EXOC4: variants seen among roughly 807,000 people sequenced by gnomAD.
The protein encoded by EXOC4 is SEC8-like 1.
EXOC4 carries 71 observed loss-of-function variants against 107.2 expected under a neutral mutation model. The observed-to-expected ratio is 0.66, with a 90% CI of 0.55 to 0.81. The LOEUF is 0.81. Among genes scored for constraint, EXOC4 ranks in the 30% least tolerant of loss-of-function variants. EXOC4 has a pLI of 0.00. For missense variants in EXOC4, 1,108 were observed against 1,189.6 expected, an observed-to-expected ratio of 0.93 and a Z score of 1.01; for synonymous variants, 456 against 441.2, an observed-to-expected ratio of 1.03 and a Z score of -0.42.
intron 12 of EXOC4, among the ~76,000 whole-genome samples, chr7:133,905,804 C>G (rs527728626): frequency 3.0e-4 from 45 of 152,146 alleles, no homozygotes; most frequent in Admixed American, 1.9e-3. Flanking sequence ...CAGAGAGGAG[C>G]TAGAACTCAT....
chr7:133,330,842 C>G (rs993783532), intron 5 of EXOC4, among the ~76,000 whole-genome samples: 1 of 152,080 alleles, frequency 6.6e-6, no homozygotes, highest in Non-Finnish European at 1.5e-5. Context: ...TGCAGAAATC[C>G]CCCTTCTTCT....
chr7:133,972,205 C>T (rs1002685648), intron 14 of EXOC4, among the ~76,000 whole-genome samples: 1 of 152,156 alleles, frequency 6.6e-6, no homozygotes, highest in African/African-American at 2.4e-5. Flanking sequence ...GGGATATTAA[C>T]CTGAGAGCTA....
chr7:133,407,825 C>A (rs1205679685), intron 7 of EXOC4, among the ~76,000 whole-genome samples: 1 of 152,078 alleles, frequency 6.6e-6, no homozygotes, highest in Non-Finnish European at 1.5e-5. Context: ...TGTTGAGCTC[C>A]TAGATTTCTA....
At chr7:133,484,706 A>G (rs1799234032) in intron 9 of EXOC4, among the ~76,000 whole-genome samples, 1 of 152,172 alleles carries the variant, frequency 6.6e-6, no homozygotes, top group African/African-American at 2.4e-5. Flanking sequence ...CTTAAATATT[A>G]AATTATTAGT....
At position 133,384,714 on chromosome 7, in the gene EXOC4, T is replaced by G. The variant is rs905753407; in HGVS notation, c.1182+9712T>G. On this transcript the variant is annotated intron_variant, in intron 7 of 17. Coordinates refer to ENST00000253861, the MANE Select transcript of EXOC4 (RefSeq NM_021807.4). ...AATTACATTTTCCTGAATTGGTCTT[T>G]TTTTTTTTTTTAAGCGTATTTAAAA... is the stretch of plus-strand genomic sequence containing the variant. Among the ~76,000 whole-genome samples, 7 of 134,980 alleles carry G rather than the reference T, an allele frequency of 5.2e-5. No homozygotes were observed. In the East Asian group the frequency reaches 1.2e-3, roughly 22 times the overall value. 88.6% of individuals were successfully genotyped at this position (134,980 alleles called of 152,430 possible).
intron 2 of EXOC4, 97 bp from the exon 3 acceptor site, chr7:133,288,825 C>A: frequency 2.1e-6 from 2 of 962,984 alleles, no homozygotes; most frequent in Non-Finnish European, 3.1e-6. Context: ...TTAGGAACTG[C>A]TGCATACAGT....
intron 17 of EXOC4, among the ~76,000 whole-genome samples, chr7:134,011,256 CAA>C (rs144562239): frequency 0.022 from 3,403 of 152,200 alleles, 130 homozygotes; most frequent in African/African-American, 0.077. Context: ...GGCAGCATAA[CAA>C]GAGAGGTCTG....
At chr7:133,825,520 A>T (rs1171846089) in intron 11 of EXOC4, among the ~76,000 whole-genome samples, 1 of 152,228 alleles carries the variant, frequency 6.6e-6, no homozygotes, top group Non-Finnish European at 1.5e-5. Flanking sequence ...AGCTACTTAC[A>T]GTATAATAAT....
At chr7:133,664,036 G>C (rs905996811) in intron 10 of EXOC4, among the ~76,000 whole-genome samples, 7 of 152,046 alleles carry the variant, frequency 4.6e-5, no homozygotes, top group Non-Finnish European at 5.9e-5. Flanking sequence ...GCTATTCCTT[G>C]AACCTTAAAC....
At chr7:133,312,680 G>A (rs1794901232) in intron 4 of EXOC4, among the ~76,000 whole-genome samples, 1 of 151,676 alleles carries the variant, frequency 6.6e-6, no homozygotes, top group South Asian at 2.1e-4. Context: ...GTGACGTGGG[G>A]GGTGGATGGA....
At position 133,931,231 on chromosome 7, in the gene EXOC4, C is replaced by T. The variant is rs569001611; in HGVS notation, c.2028-6660C>T. ...AAGGTTAATGACCAGGGTGCCTAGC[C>T]GGTTTTATTGTTCTAGAATTTAAGT... On this transcript the variant is annotated intron_variant, in intron 13 of 17. Coordinates refer to ENST00000253861, the MANE Select transcript of EXOC4 (RefSeq NM_021807.4). Among the ~76,000 whole-genome samples, 28 of 152,062 alleles carry T rather than the reference C, an allele frequency of 1.8e-4. 1 individual carries two copies. The highest frequency in any genetic ancestry group is 9.7e-4 in the East Asian group (5 of 5,170).
chr7:134,018,393 C>T (rs950299431), intron 17 of EXOC4, among the ~76,000 whole-genome samples: 2 of 152,170 alleles, frequency 1.3e-5, no homozygotes, highest in African/African-American at 4.8e-5. Flanking sequence ...CCATCCTGCC[C>T]CTCCCTTTAC....
intron 9 of EXOC4, among the ~76,000 whole-genome samples, chr7:133,492,106 C>G (rs1297065719): frequency 6.6e-6 from 1 of 152,076 alleles, no homozygotes; most frequent in Non-Finnish European, 1.5e-5. Context: ...ATGAAATGTG[C>G]ATTTTAGAAA....
intron 9 of EXOC4, among the ~76,000 whole-genome samples, chr7:133,523,029 G>A (rs1486173783): frequency 6.6e-6 from 1 of 152,118 alleles, no homozygotes; most frequent in Non-Finnish European, 1.5e-5. Context: ...GTTGCCTGAT[G>A]CCAGTAAGAA....
At chr7:133,960,680 A>G (rs1458726523) in intron 14 of EXOC4, among the ~76,000 whole-genome samples, 2 of 152,196 alleles carry the variant, frequency 1.3e-5, no homozygotes, top group Non-Finnish European at 2.9e-5. Context: ...CCACTTGATC[A>G]TGGCGGGTTA....
chr7:134,097,975 G>T, the EXOC4 span, among the ~76,000 whole-genome samples: 13 of 152,266 alleles, frequency 8.5e-5, no homozygotes, highest in Non-Finnish European at 1.3e-4. Context: ...AGATTCCAGT[G>T]TGTGAGCATG....
chr7:133,786,737 G>C (rs546881954), intron 10 of EXOC4, among the ~76,000 whole-genome samples: 8 of 152,266 alleles, frequency 5.3e-5, no homozygotes, highest in African/African-American at 1.9e-4. Flanking sequence ...CTAACTGAAG[G>C]CCATGTAAGA....
intron 11 of EXOC4, among the ~76,000 whole-genome samples, chr7:133,857,255 ATATATATATATATATATACACG>A (rs1585203000): frequency 1.3e-4 from 6 of 45,088 alleles, no homozygotes; most frequent in Admixed American, 6.4e-4. Flanking sequence ...ATATATATAT[ATATATATATATATATATACACG>A]TATATATATA....
chr7:133,630,169 T>C (rs1363834123), intron 10 of EXOC4, 28 bp downstream of exon 10: 3 of 1,495,182 alleles, frequency 2.0e-6, no homozygotes, highest in South Asian at 2.3e-5. Context: ...ATATACTTAC[T>C]GAAGATCAAT....
Sources: allele counts gnomAD v4.1 joint callset (sites outside exome capture counted in the v4.1 genomes callset), GRCh38; gene constraint gnomAD v4.1.1; transcripts MANE v1.5; gene names NCBI Gene and HGNC (gene_info 2026-07-23, HGNC 2026-07-21).